The following CAMTA1 variants were observed in gnomAD, a reference collection of about 807,000 sequenced individuals.
CAMTA1 encodes calmodulin binding transcription activator 1.
In CAMTA1, 27 loss-of-function variants were observed where a neutral mutation model predicts 170.9. The observed-to-expected ratio is 0.16, with a 90% CI of 0.12 to 0.22. The LOEUF (loss-of-function observed/expected upper bound fraction) is 0.22. Ranked by LOEUF, CAMTA1 falls within the 10% of genes least tolerant of loss-of-function variation. The pLI is 1.00. For missense variants in CAMTA1, 1,619 were observed against 2,217.2 expected, an observed-to-expected ratio of 0.73 and a Z score of 5.42; for synonymous variants, 833 against 891.5, an observed-to-expected ratio of 0.93 and a Z score of 1.17.
chr1:7,235,808 A>C (rs1025704857), intron 4 of CAMTA1, among the ~76,000 whole-genome samples: 4 of 152,192 alleles, frequency 2.6e-5, no homozygotes, highest in African/African-American at 9.7e-5. Flanking sequence ...TCTGATAAGA[A>C]AACCTCTTTT....
At chr1:6,950,834 A>T (rs1189284198) in intron 3 of CAMTA1, among the ~76,000 whole-genome samples, 1 of 152,124 alleles carries the variant, frequency 6.6e-6, no homozygotes, top group Non-Finnish European at 1.5e-5. Flanking sequence ...GAGAAGTAGG[A>T]CCAGGACGCT....
intron 4 of CAMTA1, among the ~76,000 whole-genome samples, chr1:7,140,660 A>G (rs1645835929): frequency 6.6e-6 from 1 of 152,114 alleles, no homozygotes; most frequent in Non-Finnish European, 1.5e-5. Context: ...GTTTAAAAGA[A>G]AAAAAAAGCT....
At chr1:7,022,489 T>A (rs1701500307) in intron 3 of CAMTA1, among the ~76,000 whole-genome samples, 1 of 152,096 alleles carries the variant, frequency 6.6e-6, no homozygotes. Context: ...GCCTCTCTTT[T>A]AAAAAAAGGC....
intron 11 of CAMTA1, chr1:7,698,251 A>G (rs1399696451): frequency 6.6e-6 from 1 of 152,298 alleles, no homozygotes; most frequent in Non-Finnish European, 1.5e-5. Flanking sequence ...CACATAAAGT[A>G]CACTAACACT....
chr1:7,479,945 GTA>G lies in CAMTA1; in HGVS notation c.510+12046_510+12047del, dbSNP rs374310130. Among the ~76,000 whole-genome samples the G allele has an allele frequency of 2.9e-3, 447 of 151,924 alleles. 2 individuals are homozygous for G. The highest frequency in any genetic ancestry group is 0.01 in the African/African-American group (428 of 41,360). On this transcript the variant is annotated intron_variant, in intron 6 of 22. Transcript: ENST00000303635. ...TGAATGTGTATATGTGTGTATGAGT[GTA>G]TGTCAGTGTGTGAGTACACAAGTGT...
intron 5 of CAMTA1, among the ~76,000 whole-genome samples, chr1:7,250,024 G>T (rs1222164812): frequency 2.7e-5 from 4 of 149,574 alleles, no homozygotes; most frequent in African/African-American, 1.0e-4. Flanking sequence ...TGCCAAGCTG[G>T]CAGGCCCCTC....
At chr1:7,322,174 G>A (rs779481620) in intron 5 of CAMTA1, among the ~76,000 whole-genome samples, 15 of 152,194 alleles carry the variant, frequency 9.9e-5, no homozygotes, top group Admixed American at 6.5e-4. Context: ...ACAAACCTGC[G>A]TTGGTTGCCT....
rs1553180442 is a variant in CAMTA1, at chr1:6,902,072, C to CAA, written c.234+76872_234+76873dup. Among the ~76,000 whole-genome samples, 365 of 88,334 alleles carry CAA rather than the reference C, an allele frequency of 4.1e-3. 2 individuals are homozygous for CAA. The highest frequency in any genetic ancestry group is 0.011 in the East Asian group (39 of 3,610). The allele number at this position is 88,334 out of a possible 152,430, so 58.0% of individuals were successfully genotyped here. A position where few individuals can be genotyped will look rare whatever the true frequency, so the allele number is the denominator to read the frequency against. On this transcript the variant is annotated intron_variant, in intron 3 of 22. Transcript: ENST00000303635. ...ACACACACACACACACACACACACACAAAAAAAAAAATAAAAATAAAAACT... is the reference window on the plus strand; with the variant it reads ...ACACACACACACACACACACACACACAAAAAAAAAAAAATAAAAATAAAAACT...
rs61519330 is a variant in CAMTA1, at chr1:7,098,099, T to TTGTGTGTG, written c.302+6743_302+6750dup. ...GGCAGGATTGGCTGGGGTGGACGAA[T>TTGTGTGTG]TGTGTGTGTGTGTGTGTGTGTGCAC... On this transcript the variant is annotated intron_variant, in intron 4 of 22. Transcript: ENST00000303635. 3.0e-3 allele frequency among the ~76,000 whole-genome samples: 459 copies of TTGTGTGTG among 150,878 alleles called. 3 individuals are homozygous for TTGTGTGTG. Among genetic ancestry groups the TTGTGTGTG allele is most frequent in the African/African-American group, 0.01 (417 of 41,150 alleles).
At position 7,146,448 on chromosome 1, in the gene CAMTA1, G is replaced by T. The variant is rs1449829886; in HGVS notation, c.302+55077G>T. ...AATGCTTCCCATCAAGAGTCCTGTCGGGGAAAGTCTGGGAATATCTGTTTC... is the reference window on the plus strand; with the variant it reads ...AATGCTTCCCATCAAGAGTCCTGTCTGGGAAAGTCTGGGAATATCTGTTTC... On this transcript the variant is annotated intron_variant, in intron 4 of 22. Coordinates refer to ENST00000303635, the MANE Select transcript of CAMTA1 (RefSeq NM_015215.4). This position sits in a 1 kb window ranked among gnomAD's most constrained non-coding sequence, Gnocchi z 4.3. Among the ~76,000 whole-genome samples the T allele has an allele frequency of 6.6e-6, 1 of 152,192 alleles. No homozygotes were observed. Among genetic ancestry groups the T allele is most frequent in the Admixed American group, 6.5e-5 (1 of 15,286 alleles).
In CAMTA1 at chr1:7,556,159, C is replaced by A. The variant is rs1557909448; in HGVS notation, c.511-84241C>A. Among the ~76,000 whole-genome samples, 3 of 152,132 alleles carry A rather than the reference C, an allele frequency of 2.0e-5. No homozygotes were observed. In the South Asian group the frequency reaches 6.2e-4, roughly 32 times the overall value. Reference sequence around the variant, plus strand: ...CTTTGGAGAAATTCCTGGGGTAATTCCTGCGGGCTCTGGGCGGAGAGGCTG... The same window carrying A: ...CTTTGGAGAAATTCCTGGGGTAATTACTGCGGGCTCTGGGCGGAGAGGCTG... On this transcript the variant is annotated intron_variant, in intron 6 of 22. Transcript: ENST00000303635.
At chr1:7,027,081 G>C (rs1417671607) in intron 3 of CAMTA1, among the ~76,000 whole-genome samples, 1 of 152,156 alleles carries the variant, frequency 6.6e-6, no homozygotes, top group Non-Finnish European at 1.5e-5. Flanking sequence ...TGTGAACCAT[G>C]GTTGAAGTCT....
intron 6 of CAMTA1, among the ~76,000 whole-genome samples, chr1:7,598,575 C>T (rs2095418090): frequency 6.6e-6 from 1 of 152,178 alleles, no homozygotes; most frequent in Non-Finnish European, 1.5e-5. Flanking sequence ...GTTCCTATTT[C>T]TCCACATCCT....
intron 11 of CAMTA1, among the ~76,000 whole-genome samples, chr1:7,709,390 C>G (rs1274990064): frequency 1.3e-5 from 2 of 152,186 alleles, no homozygotes; most frequent in Non-Finnish European, 2.9e-5. Flanking sequence ...CAAACGTGAT[C>G]CTACTCCGTG....
intron 4 of CAMTA1, among the ~76,000 whole-genome samples, chr1:7,095,861 C>T (rs1326437713): frequency 6.6e-6 from 1 of 152,252 alleles, no homozygotes; most frequent in Non-Finnish European, 1.5e-5. Context: ...CCAGGACAGG[C>T]AGACAGCTGC....
intron 3 of CAMTA1, among the ~76,000 whole-genome samples, chr1:6,988,515 A>G (rs1695741381): frequency 6.6e-6 from 1 of 152,166 alleles, no homozygotes; most frequent in South Asian, 2.1e-4. Flanking sequence ...AATGAACTAC[A>G]AGTCCCTGAA....
At chr1:7,493,632 C>T (rs1257701718) in intron 6 of CAMTA1, among the ~76,000 whole-genome samples, 1 of 74,256 alleles carries the variant, frequency 1.3e-5, no homozygotes, top group African/African-American at 7.5e-5. Flanking sequence ...AGCATCCATC[C>T]CCCAGGGAAC....
intron 3 of CAMTA1, among the ~76,000 whole-genome samples, chr1:6,982,657 T>C (rs1694637512): frequency 6.6e-6 from 1 of 152,180 alleles, no homozygotes; most frequent in South Asian, 2.1e-4. Flanking sequence ...CCCCGGGTTC[T>C]GGCTCCCTGT....
At chr1:7,411,873 G>T in intron 5 of CAMTA1, among the ~76,000 whole-genome samples, 1 of 151,250 alleles carries the variant, frequency 6.6e-6, no homozygotes. Context: ...TCGTCATTTA[G>T]CATTAGGTAT....
Sources: gnomAD v4.1 joint callset for allele counts (sites outside exome capture counted in the v4.1 genomes callset) on GRCh38, gnomAD v4.1.1 for gene constraint, Gnocchi (gnomAD v3.1) non-coding constraint, MANE v1.5 for transcripts, NCBI Gene and HGNC (gene_info 2026-07-23, HGNC 2026-07-21) for gene names.